Variants in SGSM1 observed in about 807,000 individuals in gnomAD.
SGSM1 encodes RUN and TBC1 domain containing 2.
In SGSM1, 73 loss-of-function variants were observed where a neutral mutation model predicts 133.8. The ratio of observed to expected loss-of-function variants is 0.55; its 90% confidence interval spans 0.45 to 0.66. SGSM1 has a LOEUF of 0.66. SGSM1 is among the 30% of genes least tolerant of loss of function. The pLI is 0.00. For synonymous variants in SGSM1, 563 were observed against 573.0 expected (o/e 0.98, Z 0.25); for missense variants, 1,213 against 1,448.1 (o/e 0.84, Z 2.64).
Position 24,926,548 on chromosome 22 carries a change from T to C in SGSM1, c.*2274T>C, listed in dbSNP as rs1295606244. 3 of 152,222 alleles carry C rather than the reference T, an allele frequency of 2.0e-5. No homozygotes were observed. The East Asian group carries it at 5.8e-4, about 29-fold the overall frequency. The allele number at this position is 152,222 out of a possible 1,614,324, so 9.4% of individuals were successfully genotyped here. On this transcript the variant is annotated 3_prime_UTR_variant, in exon 25 of 25. Transcript: ENST00000400358. ...CCTAGACCTTCTGATTCCTATTTAT[T>C]TTTTTAACAGACTAGTCTCAAAGTA... is the stretch of plus-strand genomic sequence containing the variant.
intron 2 of SGSM1, among the ~76,000 whole-genome samples, chr22:24,811,325 C>CG (rs1927722913): frequency 6.6e-6 from 1 of 152,250 alleles, no homozygotes; most frequent in African/African-American, 2.4e-5. Context: ...GCACCTGCTG[C>CG]GCCCTTCACT....
intron 16 of SGSM1, among the ~76,000 whole-genome samples, chr22:24,889,239 C>T (rs376169308): frequency 4.0e-4 from 61 of 152,104 alleles, no homozygotes; most frequent in African/African-American, 1.4e-3. Flanking sequence ...GGATTACAGG[C>T]GTGAGCCACC....
chr22:24,872,775 C>T (rs1376994460), intron 12 of SGSM1, among the ~76,000 whole-genome samples: 10 of 152,012 alleles, frequency 6.6e-5, no homozygotes, highest in East Asian at 1.9e-4. Context: ...AAAAACTAGC[C>T]GGGCGTGGTG....
chr22:24,882,440 A>T (rs1235233054), intron 14 of SGSM1, among the ~76,000 whole-genome samples: 2 of 152,246 alleles, frequency 1.3e-5, no homozygotes, highest in Admixed American at 6.5e-5. Flanking sequence ...GGATATTTTG[A>T]TAGATGTATC....
chr22:24,916,917 C>T (rs904731524), intron 22 of SGSM1, among the ~76,000 whole-genome samples: 2 of 152,122 alleles, frequency 1.3e-5, no homozygotes, highest in Non-Finnish European at 2.9e-5. Context: ...CTCACTCTGT[C>T]ACCCAGGCTG....
intron 16 of SGSM1, among the ~76,000 whole-genome samples, chr22:24,888,575 C>T (rs1439252076): frequency 2.6e-5 from 4 of 152,062 alleles, no homozygotes; most frequent in Non-Finnish European, 5.9e-5. Context: ...CAAGACCAGC[C>T]TGACCAACAT....
intron 3 of SGSM1, among the ~76,000 whole-genome samples, chr22:24,845,953 C>CTTTTCT (rs1463723067): frequency 7.2e-4 from 56 of 78,142 alleles, no homozygotes; most frequent in East Asian, 3.5e-3. Flanking sequence ...TTCTTTCTTT[C>CTTTTCT]TTTCTTTCTT....
At chr22:24,875,475 C>T (rs1471993544) in intron 12 of SGSM1, among the ~76,000 whole-genome samples, 1 of 152,042 alleles carries the variant, frequency 6.6e-6, no homozygotes, top group Non-Finnish European at 1.5e-5. Context: ...AAATGGCTTA[C>T]AAACACTAAA....
chr22:24,813,715 G>A (rs1927892075), intron 2 of SGSM1: 1 of 152,402 alleles, frequency 6.6e-6, no homozygotes, highest in South Asian at 2.1e-4. Context: ...TTTTGCTAGT[G>A]ATGAGCATCT....
At chr22:24,819,800 A>T (rs1928356466) in intron 2 of SGSM1, among the ~76,000 whole-genome samples, 1 of 152,234 alleles carries the variant, frequency 6.6e-6, no homozygotes, top group Non-Finnish European at 1.5e-5. Context: ...GGAGGTGGTT[A>T]GTCCTTATCT....
chr22:24,855,471 A>G (rs975004384), intron 7 of SGSM1, 41 bp downstream of exon 7: 26 of 1,613,080 alleles, frequency 1.6e-5, no homozygotes, highest in Non-Finnish European at 2.1e-5. Context: ...GGGACCTTAC[A>G]TGAGGGCAGG....
intron 2 of SGSM1, among the ~76,000 whole-genome samples, chr22:24,813,136 AG>A (rs768418483): frequency 1.7e-4 from 26 of 152,196 alleles, no homozygotes; most frequent in Non-Finnish European, 2.9e-4. Context: ...TGTGCCTGGC[AG>A]AGGGAATAGC....
At chr22:24,881,050 G>A (rs1030117110) in intron 14 of SGSM1, among the ~76,000 whole-genome samples, 19 of 151,638 alleles carry the variant, frequency 1.3e-4, no homozygotes, top group African/African-American at 3.4e-4. Context: ...AAAATTGGCC[G>A]GGCATGGTGG....
chr22:24,854,063 C>T (rs191102002), intron 5 of SGSM1, among the ~76,000 whole-genome samples: 2 of 152,278 alleles, frequency 1.3e-5, no homozygotes, highest in East Asian at 3.9e-4. Context: ...ATTCAATTAC[C>T]TCCCCCTGGG....
intron 12 of SGSM1, among the ~76,000 whole-genome samples, chr22:24,871,557 C>T (rs1486442475): frequency 1.3e-5 from 2 of 152,172 alleles, no homozygotes; most frequent in African/African-American, 4.8e-5. Flanking sequence ...ACCATTAGCC[C>T]TCCCAGGTTG....
At chr22:24,848,931 G>T (rs1930300414) in intron 4 of SGSM1, among the ~76,000 whole-genome samples, 1 of 152,168 alleles carries the variant, frequency 6.6e-6, no homozygotes, top group Admixed American at 6.5e-5. Context: ...ACTCCCATTT[G>T]GAATGACTTC....
Position 24,847,618 on chromosome 22 carries a change from T to C in SGSM1, c.140-16T>C. ...CATGGGCAGGGCAGGGTCTGCTGAC[T>C]GCCATGTCCCTGCAGCGGCTGTGGA... On this transcript the variant is annotated splice_polypyrimidine_tract_variant and intron_variant, in intron 3 of 24. Transcript: ENST00000400358. 1.2e-6 allele frequency: 2 copies of C among 1,611,558 alleles called. No individual in the cohort carries two copies. Among genetic ancestry groups the C allele is most frequent in the Non-Finnish European group, 1.7e-6 (2 of 1,178,654 alleles).
chr22:24,833,460 C>T (rs1318106418), intron 2 of SGSM1, among the ~76,000 whole-genome samples: 1 of 151,416 alleles, frequency 6.6e-6, no homozygotes, highest in African/African-American at 2.4e-5. Flanking sequence ...GAGATCGAGA[C>T]CATCCTGGCC....
chr22:24,880,746 G>T (rs1166428749), intron 14 of SGSM1, among the ~76,000 whole-genome samples: 1 of 152,240 alleles, frequency 6.6e-6, no homozygotes, highest in Non-Finnish European at 1.5e-5. Context: ...GTCGAGATGG[G>T]TCTGGAGCAA....
Sources: gnomAD v4.1 joint callset for allele counts (sites outside exome capture counted in the v4.1 genomes callset) on GRCh38, gnomAD v4.1.1 for gene constraint, MANE v1.5 for transcripts, NCBI Gene and HGNC (gene_info 2026-07-23, HGNC 2026-07-21) for gene names.